CA10: variants seen among roughly 807,000 people sequenced by gnomAD.
CA10 encodes the protein carbonic anhydrase 10 (inactive).
A neutral mutation model predicts 44.2 loss-of-function variants in CA10; 14 were observed. That is an observed-to-expected ratio of 0.32 (90% CI 0.21 to 0.50). The LOEUF (loss-of-function observed/expected upper bound fraction) is 0.50. Ranked by LOEUF, CA10 falls within the 20% of genes least tolerant of loss-of-function variation. The pLI, the probability that CA10 is intolerant of heterozygous loss-of-function variation, is 0.99. For missense variants in CA10, 350 were observed against 409.7 expected (o/e 0.85, Z 1.26); for synonymous variants, 159 against 141.6 (o/e 1.12, Z -0.87).
At chr17:52,023,127 C>A (rs916319010) in intron 2 of CA10, among the ~76,000 whole-genome samples, 1 of 152,028 alleles carries the variant, frequency 6.6e-6, no homozygotes, top group Admixed American at 6.6e-5. Context: ...TCATATGGAA[C>A]TTGAAAAGAG....
At chr17:51,657,280 C>G (rs1440201740) in intron 4 of CA10, among the ~76,000 whole-genome samples, 1 of 152,158 alleles carries the variant, frequency 6.6e-6, no homozygotes, top group Non-Finnish European at 1.5e-5. Flanking sequence ...TCAAAGATAA[C>G]CTGGGACCTG....
At chr17:51,853,303 G>A (rs1978885310) in intron 3 of CA10, among the ~76,000 whole-genome samples, 1 of 152,192 alleles carries the variant, frequency 6.6e-6, no homozygotes, top group Non-Finnish European at 1.5e-5. Context: ...GCCACCCGGT[G>A]TCCCTGATCC....
intron 2 of CA10, among the ~76,000 whole-genome samples, chr17:52,060,040 T>G (rs1374814312): frequency 6.6e-6 from 1 of 152,178 alleles, no homozygotes; most frequent in Non-Finnish European, 1.5e-5. Context: ...CTTCCACATT[T>G]ACTGATTGGT....
intron 2 of CA10, among the ~76,000 whole-genome samples, chr17:52,053,771 G>A (rs910523694): frequency 6.6e-5 from 10 of 152,036 alleles, no homozygotes; most frequent in African/African-American, 2.4e-4. Context: ...AAGATTTCAT[G>A]GACATTTATT....
intron 2 of CA10, among the ~76,000 whole-genome samples, chr17:52,032,635 GC>G (rs1986501708): frequency 6.6e-6 from 1 of 152,100 alleles, no homozygotes; most frequent in Non-Finnish European, 1.5e-5. Context: ...GCCAAGTCGG[GC>G]CCCATGAAAA....
chr17:52,016,769 C>A, intron 2 of CA10, among the ~76,000 whole-genome samples: 1 of 151,918 alleles, frequency 6.6e-6, no homozygotes, highest in East Asian at 1.9e-4. Flanking sequence ...AAAAATTATC[C>A]AAGTGTGGTG....
intron 1 of CA10, among the ~76,000 whole-genome samples, chr17:52,136,331 A>C (rs938480599): frequency 9.9e-5 from 15 of 152,138 alleles, no homozygotes; most frequent in African/African-American, 3.6e-4. Flanking sequence ...GCATTAGAAA[A>C]CACCACCAAG....
chr17:51,650,323 G>C (rs920746795), intron 5 of CA10, among the ~76,000 whole-genome samples: 1 of 152,122 alleles, frequency 6.6e-6, no homozygotes, highest in African/African-American at 2.4e-5. Flanking sequence ...GTGGCTAATC[G>C]GATGTTGTGA....
At chr17:51,941,417 G>C (rs527729953) in intron 2 of CA10, among the ~76,000 whole-genome samples, 3 of 152,118 alleles carry the variant, frequency 2.0e-5, no homozygotes, top group Non-Finnish European at 4.4e-5. Flanking sequence ...AGCATTATCA[G>C]GTTACATTTG....
At chr17:52,033,989 T>TCATA (rs1417811529) in intron 2 of CA10, among the ~76,000 whole-genome samples, 3 of 152,142 alleles carry the variant, frequency 2.0e-5, no homozygotes, top group African/African-American at 7.2e-5. Flanking sequence ...CTAGTCAAAC[T>TCATA]CATAGAAGCA....
At chr17:52,109,594 C>A (rs2143279393) in intron 1 of CA10, among the ~76,000 whole-genome samples, 1 of 152,298 alleles carries the variant, frequency 6.6e-6, no homozygotes, top group South Asian at 2.1e-4. Flanking sequence ...TCTCTGAGGA[C>A]TGTAGACAAA....
At chr17:51,739,416 A>G (rs1191392543) in intron 4 of CA10, among the ~76,000 whole-genome samples, 1 of 152,060 alleles carries the variant, frequency 6.6e-6, no homozygotes, top group African/African-American at 2.4e-5. Flanking sequence ...CCTGTCTTTA[A>G]TATTGTCTTT....
At chr17:52,060,342 A>G (rs2143088486) in intron 2 of CA10, among the ~76,000 whole-genome samples, 1 of 152,300 alleles carries the variant, frequency 6.6e-6, no homozygotes, top group East Asian at 1.9e-4. Flanking sequence ...TAAATGTAAT[A>G]TGGTATCCTA....
intron 2 of CA10, among the ~76,000 whole-genome samples, chr17:51,932,545 T>A (rs1170480620): frequency 1.3e-5 from 2 of 152,164 alleles, no homozygotes; most frequent in Non-Finnish European, 2.9e-5. Flanking sequence ...GGGTCTCATT[T>A]TAAAATATGA....
chr17:51,784,237 G>A (rs1261334322), intron 3 of CA10, among the ~76,000 whole-genome samples: 3 of 152,130 alleles, frequency 2.0e-5, no homozygotes, highest in Non-Finnish European at 2.9e-5. Context: ...ACCCATGTAT[G>A]TGGAGGTGAC....
intron 3 of CA10, among the ~76,000 whole-genome samples, chr17:51,896,547 C>T (rs949855751): frequency 6.6e-5 from 10 of 152,004 alleles, no homozygotes; most frequent in Non-Finnish European, 1.2e-4. Context: ...GATGAAGATA[C>T]GCATGCAAGT....
chr17:52,057,047 C>A (rs1246772365), intron 2 of CA10, among the ~76,000 whole-genome samples: 1 of 152,100 alleles, frequency 6.6e-6, no homozygotes, highest in Non-Finnish European at 1.5e-5. Flanking sequence ...TGGAACAAAA[C>A]TCATGTAGCT....
At chr17:51,665,865 T>C (rs1914187563) in intron 4 of CA10, among the ~76,000 whole-genome samples, 1 of 152,236 alleles carries the variant, frequency 6.6e-6, no homozygotes, top group Admixed American at 6.5e-5. Flanking sequence ...AAACCAAATA[T>C]TTAAACCAAA....
chr17:51,980,752 C>T (rs1984626046), intron 2 of CA10, among the ~76,000 whole-genome samples: 1 of 152,092 alleles, frequency 6.6e-6, no homozygotes, highest in Non-Finnish European at 1.5e-5. Context: ...CCAGTTTTCC[C>T]AGTGCCATTT....
Sources: gnomAD v4.1 joint callset for allele counts (sites outside exome capture counted in the v4.1 genomes callset) on GRCh38, gnomAD v4.1.1 for gene constraint, MANE v1.5 for transcripts, NCBI Gene and HGNC (gene_info 2026-07-23, HGNC 2026-07-21) for gene names.